Variants in FRMD5 observed in about 807,000 individuals in gnomAD.
The protein encoded by FRMD5 is FERM domain-containing protein 5.
Under a neutral mutation model 69.0 loss-of-function variants are expected in FRMD5, and 20 were observed. That is an observed-to-expected ratio of 0.29 (90% CI 0.20 to 0.42). FRMD5 has a LOEUF of 0.42. FRMD5 is among the 10% of genes least tolerant of loss of function. The probability of loss-of-function intolerance (pLI) is 1.00; values close to 1 mark genes in which losing one functional copy is unlikely to be tolerated. For missense variants in FRMD5, 595 were observed against 708.6 expected, an observed-to-expected ratio of 0.84 and a Z score of 1.82; for synonymous variants, 271 against 260.1, an observed-to-expected ratio of 1.04 and a Z score of -0.40.
At chr15:44,075,096 T>C (rs1893703007) in intron 1 of FRMD5, among the ~76,000 whole-genome samples, 1 of 152,188 alleles carries the variant, frequency 6.6e-6, no homozygotes, top group Non-Finnish European at 1.5e-5. Flanking sequence ...CTCTGAATAG[T>C]ATAAAATAGA....
intron 5 of FRMD5, among the ~76,000 whole-genome samples, chr15:43,907,587 C>T (rs1349658816): frequency 3.3e-5 from 5 of 151,128 alleles, no homozygotes; most frequent in African/African-American, 9.7e-5. Flanking sequence ...TGCAGTAGCG[C>T]GATCTCAGCT....
rs1046299671 is a variant in FRMD5 at position 44,093,863 on chromosome 15, C to T, written c.102+101090G>A. On this transcript the variant is annotated intron_variant, in intron 1 of 13. Coordinates refer to ENST00000417257, the MANE Select transcript of FRMD5 (RefSeq NM_032892.5). ...CTGGGATTACAGGCGTGATCCACCA[C>T]GCCCGGCCCCTAATATCTTAATGGA... Among the ~76,000 whole-genome samples the T allele has an allele frequency of 6.6e-5, 10 of 152,040 alleles. No individual in the cohort carries two copies. In the East Asian group the frequency reaches 9.6e-4, roughly 15 times the overall value.
chr15:44,166,691 G>A (rs2077714191), intron 1 of FRMD5, among the ~76,000 whole-genome samples: 1 of 150,506 alleles, frequency 6.6e-6, no homozygotes, highest in South Asian at 2.1e-4. Flanking sequence ...GGCTGAGGCA[G>A]GAGAATGGTT....
intron 13 of FRMD5, among the ~76,000 whole-genome samples, chr15:43,881,951 G>GA (rs1387234971): frequency 6.6e-6 from 1 of 152,196 alleles, no homozygotes; most frequent in Non-Finnish European, 1.5e-5. Flanking sequence ...CATTCTTACA[G>GA]AAAGGACAAA....
chr15:43,959,483 A>G (rs1029649629), intron 1 of FRMD5, among the ~76,000 whole-genome samples: 1 of 152,232 alleles, frequency 6.6e-6, no homozygotes, highest in African/African-American at 2.4e-5. Context: ...GTCGATATGA[A>G]TATTTTAATA....
intron 1 of FRMD5, among the ~76,000 whole-genome samples, chr15:44,185,007 A>G (rs1439434491): frequency 6.6e-6 from 1 of 152,224 alleles, no homozygotes; most frequent in African/African-American, 2.4e-5. Context: ...AAAATTAGAA[A>G]ACAGTTTATA....
At chr15:44,109,575 C>A (rs527731500) in intron 1 of FRMD5, among the ~76,000 whole-genome samples, 1 of 151,612 alleles carries the variant, frequency 6.6e-6, no homozygotes, top group African/African-American at 2.4e-5. Flanking sequence ...ATGAAACCCA[C>A]CCCCAACTAT....
Position 43,992,124 on chromosome 15 carries a change from C to T in FRMD5, c.103-67815G>A, listed in dbSNP as rs1244374911. On this transcript the variant is annotated intron_variant, in intron 1 of 13. Coordinates refer to ENST00000417257, the MANE Select transcript of FRMD5 (RefSeq NM_032892.5). ...AAGTTGGCTTTAGAAATAGAGACTA[C>T]AAATATTCTCCACTAATGAGTCTCA... 3.3e-5 allele frequency among the ~76,000 whole-genome samples: 5 copies of T among 152,298 alleles called. No homozygotes were observed. The East Asian group carries it at 9.6e-4, about 29-fold the overall frequency.
upstream of FRMD5, among the ~76,000 whole-genome samples, chr15:44,195,606 C>T (rs2078281047): frequency 6.6e-6 from 1 of 152,256 alleles, no homozygotes; most frequent in African/African-American, 2.4e-5. Flanking sequence ...CGAAGCCAAG[C>T]CTCGCACCCT....
chr15:43,886,229 G>A (rs1196295138), intron 10 of FRMD5, among the ~76,000 whole-genome samples: 1 of 152,058 alleles, frequency 6.6e-6, no homozygotes, highest in African/African-American at 2.4e-5. Flanking sequence ...TTGATTTTGT[G>A]TCTATGTCTG....
chr15:43,886,814 C>G (rs2088674200), intron 10 of FRMD5, among the ~76,000 whole-genome samples: 4 of 152,212 alleles, frequency 2.6e-5, no homozygotes, highest in African/African-American at 9.7e-5. Flanking sequence ...ATGTGAGAGA[C>G]ACTGAGGGCA....
chr15:43,906,095 C>T, intron 5 of FRMD5, 144 bp from the exon 6 acceptor site: 2 of 1,068,800 alleles, frequency 1.9e-6, no homozygotes, highest in Non-Finnish European at 2.7e-6. Context: ...CGGCTGTGGG[C>T]TGGGCAGAGG....
intron 1 of FRMD5, among the ~76,000 whole-genome samples, chr15:43,995,889 C>T (rs1306758577): frequency 1.3e-5 from 2 of 152,070 alleles, no homozygotes; most frequent in East Asian, 3.9e-4. Context: ...GGGTTCCAGC[C>T]CAGTGCTGGG....
At chr15:43,958,534 G>A (rs1370305864) in intron 1 of FRMD5, among the ~76,000 whole-genome samples, 1 of 152,192 alleles carries the variant, frequency 6.6e-6, no homozygotes, top group African/African-American at 2.4e-5. Context: ...TGGGGCTCAG[G>A]TGATCTGCCC....
chr15:43,936,279 A>T (rs897972658), intron 1 of FRMD5, among the ~76,000 whole-genome samples: 2 of 152,006 alleles, frequency 1.3e-5, no homozygotes, highest in Admixed American at 6.6e-5. Flanking sequence ...TGTAGCCTTG[A>T]CCTCCTGGGC....
At chr15:43,887,484 A>C (rs1351273477) in intron 10 of FRMD5, among the ~76,000 whole-genome samples, 1 of 152,244 alleles carries the variant, frequency 6.6e-6, no homozygotes, top group Non-Finnish European at 1.5e-5. Flanking sequence ...CAGGAGAAGA[A>C]AGGCTGCCGA....
intron 1 of FRMD5, among the ~76,000 whole-genome samples, chr15:44,041,416 C>T (rs1204216708): frequency 2.6e-5 from 4 of 152,030 alleles, no homozygotes. Flanking sequence ...TGCGCTTATT[C>T]TAAAATTGAC....
chr15:44,044,185 G>A (rs994920265), intron 1 of FRMD5, among the ~76,000 whole-genome samples: 7 of 152,138 alleles, frequency 4.6e-5, no homozygotes, highest in Admixed American at 2.6e-4. Context: ...CATCATCACT[G>A]GTCATTAGAG....
At chr15:43,961,627 TTGA>T (rs1369399298) in intron 1 of FRMD5, among the ~76,000 whole-genome samples, 1 of 152,202 alleles carries the variant, frequency 6.6e-6, no homozygotes, top group Non-Finnish European at 1.5e-5. Flanking sequence ...ACCAATAATC[TTGA>T]TGAATATTGA....
Sources: allele counts gnomAD v4.1 joint callset (sites outside exome capture counted in the v4.1 genomes callset), GRCh38; gene constraint gnomAD v4.1.1; transcripts MANE v1.5; gene names NCBI Gene and HGNC (gene_info 2026-07-23, HGNC 2026-07-21).